Variants in GLRA3 observed in about 807,000 individuals in gnomAD.
The protein encoded by GLRA3 is glycine receptor alpha 3.
In GLRA3, 44 loss-of-function variants were observed where a neutral mutation model predicts 60.4. The observed-to-expected ratio is 0.73, with a 90% CI of 0.57 to 0.94. The LOEUF is 0.94. GLRA3 is among the 40% of genes least tolerant of loss of function. The pLI is 0.00. For missense variants in GLRA3, 508 were observed against 564.6 expected (o/e 0.90, Z 1.02); for synonymous variants, 223 against 192.9 (o/e 1.16, Z -1.29).
chr4:174,709,634 T>C (rs1735638513), intron 5 of GLRA3, among the ~76,000 whole-genome samples: 1 of 152,058 alleles, frequency 6.6e-6, no homozygotes, highest in Non-Finnish European at 1.5e-5. Context: ...AACAGTATGT[T>C]GAACTTCTGG....
intron 9 of GLRA3, among the ~76,000 whole-genome samples, chr4:174,644,679 C>T (rs1236627258): frequency 6.6e-6 from 1 of 152,010 alleles, no homozygotes; most frequent in Non-Finnish European, 1.5e-5. Flanking sequence ...GACTATGTTC[C>T]AGGCACATTG....
intron 9 of GLRA3, among the ~76,000 whole-genome samples, chr4:174,645,430 A>G (rs1732777062): frequency 1.3e-5 from 2 of 151,590 alleles, no homozygotes. Context: ...CAAAAAAAAA[A>G]AAAAAAAAGA....
intron 1 of GLRA3, among the ~76,000 whole-genome samples, chr4:174,799,578 T>C (rs2111337260): frequency 6.6e-6 from 1 of 152,306 alleles, no homozygotes; most frequent in African/African-American, 2.4e-5. Flanking sequence ...CTCACATGAG[T>C]TAGAGATCTC....
chr4:174,671,687 T>C (rs985588178), intron 7 of GLRA3, among the ~76,000 whole-genome samples: 4 of 152,230 alleles, frequency 2.6e-5, no homozygotes, highest in Non-Finnish European at 5.9e-5. Flanking sequence ...TCTCATTCTG[T>C]CACCCAGGCT....
chr4:174,791,073 T>A (rs1170165945), intron 1 of GLRA3, among the ~76,000 whole-genome samples: 1 of 151,416 alleles, frequency 6.6e-6, no homozygotes, highest in Non-Finnish European at 1.5e-5. Context: ...GCACAGAATG[T>A]GGGAACGTTA....
At chr4:174,774,621 T>C (rs6553821) in intron 2 of GLRA3, among the ~76,000 whole-genome samples, 111,462 of 151,984 alleles carry the variant, frequency 0.73, 41,172 homozygotes, top group East Asian at 0.99. Context: ...AAGTGAAGTA[T>C]ATTCTTCTAA....
chr4:174,741,315 T>C (rs1451122692), intron 3 of GLRA3, among the ~76,000 whole-genome samples: 2 of 152,210 alleles, frequency 1.3e-5, no homozygotes, highest in African/African-American at 4.8e-5. Context: ...GTGGTTTTAA[T>C]TTGCATTTTG....
At chr4:174,651,481 G>A (rs562136793) in intron 9 of GLRA3, among the ~76,000 whole-genome samples, 15 of 152,178 alleles carry the variant, frequency 9.9e-5, no homozygotes, top group African/African-American at 3.4e-4. Context: ...TATTTTGAGT[G>A]TAATATTACA....
chr4:174,664,274 C>A (rs957195287), intron 7 of GLRA3, among the ~76,000 whole-genome samples: 3 of 152,124 alleles, frequency 2.0e-5, no homozygotes, highest in African/African-American at 7.2e-5. Flanking sequence ...TGCTCATGAT[C>A]CCCAAATCTC....
chr4:174,651,387 T>A (rs757218963), intron 9 of GLRA3, among the ~76,000 whole-genome samples: 38 of 152,210 alleles, frequency 2.5e-4, no homozygotes, highest in African/African-American at 3.1e-4. Context: ...ATATTTATTA[T>A]ACTACCTATC....
At position 174,644,440 on chromosome 4, in the gene GLRA3, T is replaced by C. The variant is rs1442173576; in HGVS notation, c.1117-376A>G. ...TTGCATTTTTTTTTAAATGGATAAA[T>C]GTGTGATGTCGAAGGGGAACATACC... On this transcript the variant is annotated intron_variant, in intron 9 of 9. Transcript: ENST00000274093. Among the ~76,000 whole-genome samples, 4 of 150,894 alleles carry C rather than the reference T, an allele frequency of 2.7e-5. 1 individual carries two copies. Among genetic ancestry groups the C allele is most frequent in the Non-Finnish European group, 4.4e-5 (3 of 67,906 alleles).
chr4:174,673,911 C>T (rs1734004737), intron 7 of GLRA3, among the ~76,000 whole-genome samples: 1 of 152,174 alleles, frequency 6.6e-6, no homozygotes, highest in Non-Finnish European at 1.5e-5. Context: ...CTACCCTTGA[C>T]TCCTGCATTT....
At chr4:174,750,363 G>C (rs1737420148) in intron 3 of GLRA3, among the ~76,000 whole-genome samples, 1 of 152,082 alleles carries the variant, frequency 6.6e-6, no homozygotes, top group South Asian at 2.1e-4. Flanking sequence ...GGACTATGCT[G>C]AATGATGTTT....
chr4:174,639,368 G>A lies in GLRA3; in HGVS notation c.*4418C>T, dbSNP rs1732572250. 1 of 72,574 alleles carries A rather than the reference G, an allele frequency of 1.4e-5. No individual in the cohort carries two copies. The allele number at this position is 72,574 out of a possible 1,614,324, so 4.5% of individuals were successfully genotyped here. On this transcript the variant is annotated 3_prime_UTR_variant, in exon 10 of 10. Coordinates refer to ENST00000274093, the MANE Select transcript of GLRA3 (RefSeq NM_006529.4). Reference sequence around the variant, plus strand: ...AAGGAATTCATCTCATTACCAATATGTGTATGTGTGTGTGTGTGTGTGTGT... The same window carrying A: ...AAGGAATTCATCTCATTACCAATATATGTATGTGTGTGTGTGTGTGTGTGT...
intron 5 of GLRA3, among the ~76,000 whole-genome samples, chr4:174,703,792 T>G (rs992426260): frequency 1.3e-5 from 2 of 152,202 alleles, no homozygotes; most frequent in African/African-American, 4.8e-5. Context: ...AGTGAAAGAC[T>G]GAAGGGTATG....
chr4:174,706,609 C>T (rs140457395), intron 5 of GLRA3, among the ~76,000 whole-genome samples: 10 of 152,218 alleles, frequency 6.6e-5, no homozygotes, highest in Non-Finnish European at 1.0e-4. Context: ...AAGGGATCCT[C>T]GGGTTCTATA....
chr4:174,672,958 T>C (rs947470762), intron 7 of GLRA3, among the ~76,000 whole-genome samples: 3 of 152,046 alleles, frequency 2.0e-5, no homozygotes, highest in Non-Finnish European at 4.4e-5. Flanking sequence ...CTGTTTGATA[T>C]GCTATGTTCA....
chr4:174,689,350 A>G (rs1482319586), intron 5 of GLRA3, among the ~76,000 whole-genome samples: 2 of 152,196 alleles, frequency 1.3e-5, no homozygotes, highest in East Asian at 1.9e-4. Flanking sequence ...AGCAATATGA[A>G]TATCTGTGTA....
chr4:174,728,540 A>G lies in GLRA3; in HGVS notation c.426T>C (p.His142=), dbSNP rs1274196453. The G allele has an allele frequency of 1.9e-6, 3 of 1,613,506 alleles. No homozygotes were observed. Among genetic ancestry groups the G allele is most frequent in the Non-Finnish European group, 2.5e-6 (3 of 1,179,534 alleles). The change falls in exon 4 of 10, where the codon CAT becomes CAC. Residue 142 remains histidine (H), a synonymous_variant. Coordinates refer to ENST00000274093, the MANE Select transcript of GLRA3 (RefSeq NM_006529.4). ...GCAATTTGTTGTCTGTAGTGACTTCATGAAAGTTGGCACCCTTTTCATTGG... is the reference window on the plus strand; with the variant it reads ...GCAATTTGTTGTCTGTAGTGACTTCGTGAAAGTTGGCACCCTTTTCATTGG... ...FFANEKGANF[H]EVTTDNKLLR... is the part of the protein sequence containing the mutation.
Sources: allele counts gnomAD v4.1 joint callset (sites outside exome capture counted in the v4.1 genomes callset), GRCh38; gene constraint gnomAD v4.1.1; transcripts MANE v1.5; gene names NCBI Gene and HGNC (gene_info 2026-07-23, HGNC 2026-07-21).